FAM193A: variants seen among roughly 807,000 people sequenced by gnomAD.
FAM193A encodes family with sequence similarity 193 member A.
FAM193A carries 22 observed loss-of-function variants against 126.5 expected under a neutral mutation model. The observed-to-expected ratio is 0.17, with a 90% CI of 0.12 to 0.25. The LOEUF (loss-of-function observed/expected upper bound fraction) is 0.25. FAM193A is among the 10% of genes least tolerant of loss of function. The pLI is 1.00. For synonymous variants in FAM193A, 761 were observed against 646.8 expected, an observed-to-expected ratio of 1.18 and a Z score of -2.68; for missense variants, 1,675 against 1,672.8, an observed-to-expected ratio of 1.00 and a Z score of -0.02.
At chr4:2,685,169 G>A (rs1715592703) in intron 13 of FAM193A, among the ~76,000 whole-genome samples, 2 of 152,160 alleles carry the variant, frequency 1.3e-5, no homozygotes, top group Admixed American at 1.3e-4. Context: ...TGGCCACTGG[G>A]TTCTGGCCCT....
chr4:2,654,772 GT>G (rs1217083077), intron 7 of FAM193A: 2 of 254,764 alleles, frequency 7.9e-6, no homozygotes, highest in Non-Finnish European at 1.5e-5. Context: ...TGGTTTTATA[GT>G]TTGTAAATCT....
At chr4:2,594,820 CTTTTTTTTTTTTTT>C (rs386399069) in intron 1 of FAM193A, among the ~76,000 whole-genome samples, 1 of 62,232 alleles carries the variant, frequency 1.6e-5, no homozygotes, top group African/African-American at 7.9e-5. Flanking sequence ...TTTTCTTTTC[CTTTTTTTTTTTTTT>C]TTTTTTTTTT....
chr4:2,635,243 A>G (rs891797367), intron 5 of FAM193A, among the ~76,000 whole-genome samples: 2 of 152,204 alleles, frequency 1.3e-5, no homozygotes, highest in Non-Finnish European at 2.9e-5. Flanking sequence ...CCAGTGATCT[A>G]TGCAGCACCA....
intron 15 of FAM193A, among the ~76,000 whole-genome samples, chr4:2,692,432 C>T (rs1459119195): frequency 6.6e-6 from 1 of 152,128 alleles, no homozygotes; most frequent in Non-Finnish European, 1.5e-5. Context: ...GGGACACAAC[C>T]AAACCCTATC....
chr4:2,723,663 A>G (rs967636093), intron 20 of FAM193A, among the ~76,000 whole-genome samples: 4 of 152,244 alleles, frequency 2.6e-5, no homozygotes, highest in Non-Finnish European at 5.9e-5. Context: ...GGTTTAAAAC[A>G]CTTGATATCA....
chr4:2,635,661 T>G (rs1744015545), intron 5 of FAM193A, among the ~76,000 whole-genome samples: 1 of 152,160 alleles, frequency 6.6e-6, no homozygotes, highest in Non-Finnish European at 1.5e-5. Flanking sequence ...GCCTCCCAAA[T>G]AACTGGGATT....
chr4:2,657,867 T>C lies in FAM193A; in HGVS notation c.1376T>C (p.Phe459Ser). The C allele has an allele frequency of 6.2e-7, 1 of 1,610,596 alleles. No individual in the cohort carries two copies. Among genetic ancestry groups the C allele is most frequent in the Non-Finnish European group, 8.5e-7 (1 of 1,177,720 alleles). The change falls in exon 8 of 21, where the codon TTC (phenylalanine) becomes TCC (serine). Residue 459 changes from phenylalanine to serine, a missense_variant. By Grantham distance (155) the Phe-to-Ser change is radical. Around this residue, in one of 4 missense-constraint regions of FAM193A, gnomAD observed 1,186 missense variants for 1,109.2 expected, o/e 1.07. Coordinates refer to ENST00000637812, the MANE Select transcript of FAM193A (RefSeq NM_001366318.2). ...EDWELFKQRR[F>S]IEEQLTNKKA... Reference sequence around the variant, plus strand: ...TGGGAGCTTTTTAAACAAAGAAGATTCATTGAAGAACAGGTAAGCTTGTCA... The same window carrying C: ...TGGGAGCTTTTTAAACAAAGAAGATCCATTGAAGAACAGGTAAGCTTGTCA...
At chr4:2,540,861 T>A (rs1158502638) in intron 1 of FAM193A, among the ~76,000 whole-genome samples, 2 of 151,284 alleles carry the variant, frequency 1.3e-5, no homozygotes, top group Non-Finnish European at 2.9e-5. Context: ...CTCCGGACGC[T>A]GAGGCTGGAG....
At chr4:2,610,172 C>T (rs1741778831) in intron 2 of FAM193A, among the ~76,000 whole-genome samples, 1 of 152,028 alleles carries the variant, frequency 6.6e-6, no homozygotes, top group Admixed American at 6.6e-5. Flanking sequence ...TTGGAGGTTG[C>T]AGTGAGCCGA....
intron 13 of FAM193A, among the ~76,000 whole-genome samples, chr4:2,675,670 CTT>C (rs1714316235): frequency 6.6e-6 from 1 of 152,204 alleles, no homozygotes; most frequent in Non-Finnish European, 1.5e-5. Flanking sequence ...AATTTACAAT[CTT>C]AACCATTTTT....
intron 6 of FAM193A, among the ~76,000 whole-genome samples, chr4:2,643,845 T>C (rs182510315): frequency 2.8e-3 from 427 of 152,250 alleles, no homozygotes; most frequent in African/African-American, 7.8e-3. Flanking sequence ...GGGGGGTGTT[T>C]CTATCAGGGG....
intron 7 of FAM193A, chr4:2,654,362 C>T (rs1261377651): frequency 6.6e-6 from 1 of 151,210 alleles, no homozygotes; most frequent in Non-Finnish European, 1.5e-5. Context: ...ACAGCGCACA[C>T]CACCATGCCT....
At chr4:2,717,724 T>TA (rs1719697861) in intron 20 of FAM193A, among the ~76,000 whole-genome samples, 1 of 148,546 alleles carries the variant, frequency 6.7e-6, no homozygotes, top group Non-Finnish European at 1.5e-5. Flanking sequence ...ACTTGCACTC[T>TA]AGCCTGGGCA....
At chr4:2,581,918 G>T (rs1429520612) in intron 1 of FAM193A, among the ~76,000 whole-genome samples, 1 of 152,162 alleles carries the variant, frequency 6.6e-6, no homozygotes, top group African/African-American at 2.4e-5. Context: ...CTCCCAAAGT[G>T]CTGGGATTAC....
intron 13 of FAM193A, among the ~76,000 whole-genome samples, chr4:2,676,190 G>A (rs892311939): frequency 6.6e-6 from 1 of 152,134 alleles, no homozygotes; most frequent in African/African-American, 2.4e-5. Context: ...ATTTTTGGAG[G>A]AACTGCCACC....
At chr4:2,611,085 C>A in intron 2 of FAM193A, among the ~76,000 whole-genome samples, 1 of 151,922 alleles carries the variant, frequency 6.6e-6, no homozygotes, top group Non-Finnish European at 1.5e-5. Context: ...TTGATAAACA[C>A]CTGGGAGTGG....
intron 20 of FAM193A, among the ~76,000 whole-genome samples, chr4:2,728,374 C>T (rs1480587818): frequency 2.0e-5 from 3 of 151,798 alleles, no homozygotes; most frequent in Admixed American, 1.3e-4. Context: ...CAGCCCAACC[C>T]CACAGGTTTA....
chr4:2,611,646 A>G (rs1287742394), intron 2 of FAM193A, among the ~76,000 whole-genome samples: 3 of 152,102 alleles, frequency 2.0e-5, no homozygotes, highest in Non-Finnish European at 4.4e-5. Context: ...CTCTTTGGAA[A>G]AGTGGCTGTT....
At chr4:2,723,442 G>GT (rs967583439) in intron 20 of FAM193A, among the ~76,000 whole-genome samples, 4 of 151,904 alleles carry the variant, frequency 2.6e-5, no homozygotes, top group African/African-American at 4.8e-5. Context: ...AGATGTGGTG[G>GT]TGGGTGCCTG....
Sources: gnomAD v4.1 joint callset for allele counts (sites outside exome capture counted in the v4.1 genomes callset) on GRCh38, gnomAD v4.1.1 for gene constraint, gnomAD v4.1.1 regional missense constraint, MANE v1.5 for transcripts, NCBI Gene and HGNC (gene_info 2026-07-23, HGNC 2026-07-21) for gene names.